The following TRDN variants were observed in gnomAD, a reference collection of about 807,000 sequenced individuals.
TRDN encodes the protein triadin.
A neutral mutation model predicts 149.7 loss-of-function variants in TRDN; 161 were observed. The observed-to-expected ratio is 1.08, with a 90% CI of 0.95 to 1.23. The LOEUF (loss-of-function observed/expected upper bound fraction) is 1.23, where lower values mean the gene tolerates loss of function less well. Among genes scored for constraint, TRDN ranks in the 50% most tolerant of loss-of-function variants. The pLI, the probability that TRDN is intolerant of heterozygous loss-of-function variation, is 0.00. For synonymous variants in TRDN, 294 were observed against 250.5 expected, an observed-to-expected ratio of 1.17 and a Z score of -1.64; for missense variants, 896 against 823.5, an observed-to-expected ratio of 1.09 and a Z score of -1.08.
intron 32 of TRDN, among the ~76,000 whole-genome samples, chr6:123,265,919 C>T (rs1379620827): frequency 1.4e-5 from 2 of 146,336 alleles, no homozygotes; most frequent in African/African-American, 2.5e-5. Flanking sequence ...TAACTAAAAA[C>T]GTTAACTGTG....
At chr6:123,284,417 A>T (rs555666061) in intron 24 of TRDN, among the ~76,000 whole-genome samples, 2 of 151,976 alleles carry the variant, frequency 1.3e-5, no homozygotes, top group Non-Finnish European at 2.9e-5. Context: ...CAAAAATCAC[A>T]TGATCATCTG....
chr6:123,345,264 A>C (rs879890671), intron 21 of TRDN, among the ~76,000 whole-genome samples: 2 of 151,524 alleles, frequency 1.3e-5, no homozygotes, highest in African/African-American at 2.4e-5. Flanking sequence ...TTTCTTTTTT[A>C]TTTTTGTTTA....
chr6:123,427,184 A>C (rs1047244823), intron 12 of TRDN, among the ~76,000 whole-genome samples: 1 of 151,960 alleles, frequency 6.6e-6, no homozygotes, highest in Non-Finnish European at 1.5e-5. Context: ...TTTTGCTGGA[A>C]TAGGCAGTCA....
At chr6:123,561,078 CT>C (rs1309377748) in intron 2 of TRDN, among the ~76,000 whole-genome samples, 3 of 152,152 alleles carry the variant, frequency 2.0e-5, no homozygotes, top group African/African-American at 7.2e-5. Flanking sequence ...TAGGTAGACA[CT>C]TTCACTGGAT....
intron 1 of TRDN, among the ~76,000 whole-genome samples, chr6:123,607,142 A>G (rs1279253907): frequency 2.0e-5 from 3 of 152,234 alleles, no homozygotes; most frequent in Non-Finnish European, 4.4e-5. Context: ...GGATTATTGT[A>G]TTAATTAGGG....
intron 23 of TRDN, among the ~76,000 whole-genome samples, chr6:123,331,135 A>G (rs1167967831): frequency 6.6e-6 from 1 of 152,106 alleles, no homozygotes; most frequent in African/African-American, 2.4e-5. Context: ...AACTCTGAGC[A>G]CAATGCCATG....
At chr6:123,581,719 T>G (rs1783130413) in intron 1 of TRDN, among the ~76,000 whole-genome samples, 2 of 152,188 alleles carry the variant, frequency 1.3e-5, no homozygotes, top group Non-Finnish European at 2.9e-5. Context: ...CTGCAAAGTT[T>G]TGCTGGTCCA....
At chr6:123,408,061 TA>T (rs1773269216) in intron 12 of TRDN, among the ~76,000 whole-genome samples, 1 of 152,166 alleles carries the variant, frequency 6.6e-6, no homozygotes, top group Non-Finnish European at 1.5e-5. Context: ...GTTTCCCAAA[TA>T]TGGCTTTAAA....
At chr6:123,500,636 A>G (rs1778656434) in intron 8 of TRDN, among the ~76,000 whole-genome samples, 1 of 152,184 alleles carries the variant, frequency 6.6e-6, no homozygotes, top group African/African-American at 2.4e-5. Flanking sequence ...GGAATAACAC[A>G]TGCTGTCCAT....
chr6:123,586,925 C>T (rs547248147), intron 1 of TRDN, among the ~76,000 whole-genome samples: 4 of 151,262 alleles, frequency 2.6e-5, no homozygotes, highest in East Asian at 2.0e-4. Flanking sequence ...GGTTAGGGCA[C>T]AGAAATAATG....
intron 12 of TRDN, among the ~76,000 whole-genome samples, chr6:123,402,112 A>C (rs930373536): frequency 3.9e-5 from 6 of 152,226 alleles, no homozygotes; most frequent in African/African-American, 1.4e-4. Context: ...AGTAAAACAC[A>C]TGAAATAAGC....
At chr6:123,355,042 T>G (rs1409762600) in intron 20 of TRDN, among the ~76,000 whole-genome samples, 1 of 151,832 alleles carries the variant, frequency 6.6e-6, no homozygotes, top group East Asian at 1.9e-4. Context: ...TAATGCCACA[T>G]GCTTTTCATA....
At chr6:123,473,116 G>A (rs1777271924) in intron 9 of TRDN, among the ~76,000 whole-genome samples, 2 of 152,346 alleles carry the variant, frequency 1.3e-5, no homozygotes, top group South Asian at 4.1e-4. Context: ...CAAGCTGAGA[G>A]AAGAAGGCTT....
chr6:123,548,337 A>T, intron 3 of TRDN, 117 bp downstream of exon 3: 1 of 673,164 alleles, frequency 1.5e-6, no homozygotes. Context: ...TCAGAAGTGT[A>T]TTCATTTTGG....
chr6:123,514,929 G>C (rs1779349676), intron 6 of TRDN, among the ~76,000 whole-genome samples: 1 of 151,824 alleles, frequency 6.6e-6, no homozygotes, highest in Non-Finnish European at 1.5e-5. Context: ...GCTTGTCAGG[G>C]GTTTGGGGGC....
intron 12 of TRDN, among the ~76,000 whole-genome samples, chr6:123,421,805 CAAAAAAA>C (rs56022131): frequency 2.2e-5 from 2 of 92,648 alleles, no homozygotes; most frequent in African/African-American, 8.3e-5. Flanking sequence ...CCTTTCTCTA[CAAAAAAA>C]AAAAAAAAAA....
chr6:123,609,341 C>G (rs1784679368), intron 1 of TRDN, among the ~76,000 whole-genome samples: 1 of 152,014 alleles, frequency 6.6e-6, no homozygotes, highest in African/African-American at 2.4e-5. Context: ...CATCATAAAA[C>G]ATTAGTCAGC....
intron 24 of TRDN, among the ~76,000 whole-genome samples, chr6:123,282,558 A>G (rs796711781): frequency 1.3e-5 from 2 of 151,920 alleles, no homozygotes; most frequent in South Asian, 4.1e-4. Flanking sequence ...TGAGATAAAC[A>G]TATCAAAAAC....
chr6:123,326,843 A>T (rs1293320043), intron 23 of TRDN, among the ~76,000 whole-genome samples: 1 of 152,088 alleles, frequency 6.6e-6, no homozygotes, highest in Non-Finnish European at 1.5e-5. Flanking sequence ...GCTTGCTTTC[A>T]TTTTAAAAAT....
Sources: gnomAD v4.1 joint callset for allele counts (sites outside exome capture counted in the v4.1 genomes callset) on GRCh38, gnomAD v4.1.1 for gene constraint, MANE v1.5 for transcripts, NCBI Gene and HGNC (gene_info 2026-07-23, HGNC 2026-07-21) for gene names.